PRKAR1B: variants seen among roughly 807,000 people sequenced by gnomAD.
PRKAR1B encodes cAMP-dependent protein kinase type I-beta regulatory subunit.
Under a neutral mutation model 46.5 loss-of-function variants are expected in PRKAR1B, and 22 were observed. That is an observed-to-expected ratio of 0.47 (90% CI 0.34 to 0.68). PRKAR1B has a LOEUF of 0.68. Among genes scored for constraint, PRKAR1B ranks in the 30% least tolerant of loss-of-function variants. The pLI is 0.01. For synonymous variants in PRKAR1B, 259 were observed against 217.7 expected, an observed-to-expected ratio of 1.19 and a Z score of -1.67; for missense variants, 445 against 535.6, an observed-to-expected ratio of 0.83 and a Z score of 1.67.
intron 4 of PRKAR1B, among the ~76,000 whole-genome samples, chr7:658,728 G>A (rs987774233): frequency 1.2e-4 from 19 of 152,094 alleles, no homozygotes; most frequent in Admixed American, 9.8e-4. Context: ...TCAGCTCACT[G>A]CAACCTCCAC....
intron 2 of PRKAR1B, among the ~76,000 whole-genome samples, chr7:694,468 G>C (rs1779614586): frequency 1.3e-5 from 2 of 151,986 alleles, no homozygotes; most frequent in Non-Finnish European, 2.9e-5. Context: ...CCTGGAGTCA[G>C]AGTAGCTTGC....
intron 9 of PRKAR1B, among the ~76,000 whole-genome samples, chr7:577,173 T>C (rs984153854): frequency 4.0e-5 from 6 of 151,638 alleles, no homozygotes; most frequent in Non-Finnish European, 7.4e-5. Context: ...TGGGCTTCTG[T>C]TGTTTCGAAC....
intron 1 of PRKAR1B, among the ~76,000 whole-genome samples, chr7:718,939 A>G (rs1780979054): frequency 2.3e-5 from 3 of 130,592 alleles, no homozygotes; most frequent in Middle Eastern, 6.0e-3. Context: ...TGGCATGATC[A>G]TAGCTCTTGG....
intron 2 of PRKAR1B, among the ~76,000 whole-genome samples, chr7:701,282 AAGAG>A (rs1393156778): frequency 2.7e-5 from 4 of 149,490 alleles, no homozygotes; most frequent in Non-Finnish European, 5.9e-5. Flanking sequence ...GAAAGAAAGA[AAGAG>A]AAAGAAAGAA....
intron 2 of PRKAR1B, among the ~76,000 whole-genome samples, chr7:697,402 C>T (rs1165833067): frequency 1.3e-5 from 2 of 152,180 alleles, no homozygotes; most frequent in South Asian, 2.1e-4. Flanking sequence ...CAGCCTGCCC[C>T]GTCCCACTGA....
chr7:609,275 T>C (rs1289690184), intron 4 of PRKAR1B, among the ~76,000 whole-genome samples: 3 of 152,202 alleles, frequency 2.0e-5, no homozygotes, highest in African/African-American at 7.2e-5. Context: ...GTTCTCAGAA[T>C]GAACAGACCT....
At chr7:646,992 C>G (rs1274778866) in intron 4 of PRKAR1B, among the ~76,000 whole-genome samples, 1 of 152,152 alleles carries the variant, frequency 6.6e-6, no homozygotes, top group Admixed American at 6.5e-5. Context: ...CACTCCTGGC[C>G]CAGGCTGCTC....
intron 7 of PRKAR1B, among the ~76,000 whole-genome samples, chr7:587,509 C>T (rs1037496862): frequency 6.6e-6 from 1 of 152,242 alleles, no homozygotes; most frequent in African/African-American, 2.4e-5. Context: ...CGCCTACCCA[C>T]TGCCCCCTCT....
chr7:724,716 C>G (rs1053219785), intron 1 of PRKAR1B, among the ~76,000 whole-genome samples: 1 of 152,204 alleles, frequency 6.6e-6, no homozygotes, highest in South Asian at 2.1e-4. Flanking sequence ...AGGACCACCA[C>G]GGTTAAACAC....
At chr7:632,599 A>G (rs1159226925) in intron 4 of PRKAR1B, among the ~76,000 whole-genome samples, 1 of 152,162 alleles carries the variant, frequency 6.6e-6, no homozygotes, top group Non-Finnish European at 1.5e-5. Flanking sequence ...CTTGGTACAG[A>G]TGGATCCAGG....
At chr7:726,577 G>A (rs1035465177) in intron 1 of PRKAR1B, 5 of 588,096 alleles carry the variant, frequency 8.5e-6, no homozygotes, top group East Asian at 7.1e-5. Flanking sequence ...GGGCGAGCAC[G>A]ACAAGAGCAC....
intron 1 of PRKAR1B, 21 bp from the exon 2 acceptor site, chr7:711,548 T>A: frequency 1.2e-6 from 2 of 1,600,742 alleles, no homozygotes; most frequent in Non-Finnish European, 1.7e-6. Context: ...AACACACAGA[T>A]CCCCAGGCCT....
At chr7:697,054 C>A (rs1779779784) in intron 2 of PRKAR1B, 1 of 152,212 alleles carries the variant, frequency 6.6e-6, no homozygotes, top group Admixed American at 6.5e-5. Flanking sequence ...CGGTCGAGGT[C>A]GTGGGGCCGG....
At position 560,704 on chromosome 7, in the gene PRKAR1B, C is replaced by T. The variant is rs1174000420; in HGVS notation, c.892-9234G>A. Among the ~76,000 whole-genome samples the T allele has an allele frequency of 2.0e-5, 3 of 152,234 alleles. No individual in the cohort carries two copies. The highest frequency in any genetic ancestry group is 4.4e-5 in the Non-Finnish European group (3 of 68,038). Reference sequence around the variant, plus strand: ...ATAGCTGCTCCAGCCTCAGCTGCCTCATCTGTTATATGGGACAACGCCAAC... The same window carrying T: ...ATAGCTGCTCCAGCCTCAGCTGCCTTATCTGTTATATGGGACAACGCCAAC... On this transcript the variant is annotated intron_variant, in intron 9 of 10. Coordinates refer to ENST00000537384, the MANE Select transcript of PRKAR1B (RefSeq NM_001164760.2). The surrounding 1 kb of genome is among the most constrained non-coding windows in gnomAD (Gnocchi z 4.2).
chr7:581,622 G>C (rs1045312532), intron 8 of PRKAR1B, among the ~76,000 whole-genome samples: 1 of 152,152 alleles, frequency 6.6e-6, no homozygotes, highest in Non-Finnish European at 1.5e-5. Flanking sequence ...GAAACCTGTA[G>C]TATTCTGAGT....
intron 8 of PRKAR1B, among the ~76,000 whole-genome samples, chr7:583,673 C>CACTG (rs1780419280): frequency 7.7e-6 from 1 of 129,800 alleles, no homozygotes; most frequent in African/African-American, 4.1e-5. Context: ...CACACCCACA[C>CACTG]ACAACCCACA....
chr7:593,940 C>A lies in PRKAR1B; in HGVS notation c.708+2206G>T, dbSNP rs141404134. On this transcript the variant is annotated intron_variant, in intron 7 of 10. Transcript: ENST00000537384. The surrounding 1 kb of genome is among the most constrained non-coding windows in gnomAD (Gnocchi z 6.1). Reference sequence around the variant, plus strand: ...GTGCGAACGCGCCATCCACAAAACACAAGAGCCGGCATCGCCGTGGGGCCG... The same window carrying A: ...GTGCGAACGCGCCATCCACAAAACAAAAGAGCCGGCATCGCCGTGGGGCCG... 6.6e-6 allele frequency among the ~76,000 whole-genome samples: 1 copy of A among 152,320 alleles called. No individual in the cohort carries two copies. The highest frequency in any genetic ancestry group is 1.9e-4 in the East Asian group (1 of 5,162).
chr7:689,868 G>C (rs2128514873), intron 2 of PRKAR1B, among the ~76,000 whole-genome samples: 1 of 151,822 alleles, frequency 6.6e-6, no homozygotes, highest in Non-Finnish European at 1.5e-5. Context: ...TTTTAGTAGA[G>C]AACTGGGTTT....
At position 602,185 on chromosome 7, in the gene PRKAR1B, T is replaced by A. The variant is rs1239618574; in HGVS notation, c.549+4008A>T. 6.6e-6 allele frequency among the ~76,000 whole-genome samples: 1 copy of A among 151,792 alleles called. No homozygotes were observed. Among genetic ancestry groups the A allele is most frequent in the Non-Finnish European group, 1.5e-5 (1 of 67,924 alleles). ...GGGGCTGGGCTGGGAGGGGACCCAGTGAGCTCAGGGCTGGAGGAAACGGTC... is the reference window on the plus strand; with the variant it reads ...GGGGCTGGGCTGGGAGGGGACCCAGAGAGCTCAGGGCTGGAGGAAACGGTC... On this transcript the variant is annotated intron_variant, in intron 6 of 10. Transcript: ENST00000537384. The surrounding 1 kb of genome is among the most constrained non-coding windows in gnomAD (Gnocchi z 6.4).
Sources: gnomAD v4.1 joint callset for allele counts (sites outside exome capture counted in the v4.1 genomes callset) on GRCh38, gnomAD v4.1.1 for gene constraint, Gnocchi (gnomAD v3.1) non-coding constraint, MANE v1.5 for transcripts, NCBI Gene and HGNC (gene_info 2026-07-23, HGNC 2026-07-21) for gene names.